SYNPR: variants seen among roughly 807,000 people sequenced by gnomAD.
SYNPR encodes the protein synaptoporin.
In SYNPR, 23 loss-of-function variants were observed where a neutral mutation model predicts 32.9. The ratio of observed to expected loss-of-function variants is 0.70; its 90% CI spans 0.50 to 0.99. SYNPR has a LOEUF of 0.99. Among genes scored for constraint, SYNPR ranks in the 50% least tolerant of loss-of-function variants. The pLI, the probability that SYNPR is intolerant of heterozygous loss-of-function variation, is 0.00. For missense variants in SYNPR, 318 were observed against 349.3 expected (o/e 0.91, Z 0.71); for synonymous variants, 146 against 135.9 (o/e 1.07, Z -0.52).
At chr3:63,581,954 T>C (rs1703100639) in intron 4 of SYNPR, among the ~76,000 whole-genome samples, 1 of 152,130 alleles carries the variant, frequency 6.6e-6, no homozygotes, top group Non-Finnish European at 1.5e-5. Flanking sequence ...TTTCACATTC[T>C]CTCAAAATCA....
chr3:63,526,625 G>C (rs1702018236), intron 3 of SYNPR, among the ~76,000 whole-genome samples: 1 of 152,174 alleles, frequency 6.6e-6, no homozygotes. Flanking sequence ...TTTTAAATGA[G>C]TTAGTATAAG....
At chr3:63,397,832 T>G (rs2088236999) in intron 2 of SYNPR, among the ~76,000 whole-genome samples, 1 of 152,232 alleles carries the variant, frequency 6.6e-6, no homozygotes, top group African/African-American at 2.4e-5. Flanking sequence ...CATAAAAGCA[T>G]TCAAGAGACA....
intron 3 of SYNPR, among the ~76,000 whole-genome samples, chr3:63,546,621 C>A (rs528449897): frequency 2.6e-5 from 4 of 151,516 alleles, no homozygotes; most frequent in African/African-American, 9.7e-5. Flanking sequence ...TCCCTGTGCT[C>A]GATATTTATT....
chr3:63,579,058 G>T (rs908558474), intron 4 of SYNPR, among the ~76,000 whole-genome samples: 2 of 151,962 alleles, frequency 1.3e-5, no homozygotes, highest in African/African-American at 2.4e-5. Flanking sequence ...CCAGACTGTT[G>T]TCACCTCTCG....
At chr3:63,281,597 C>T (rs1160046334) in intron 2 of SYNPR, among the ~76,000 whole-genome samples, 1 of 152,088 alleles carries the variant, frequency 6.6e-6, no homozygotes, top group Non-Finnish European at 1.5e-5. Flanking sequence ...AAGGGAAGAA[C>T]TCTGATCTCG....
rs78136824 is a variant in SYNPR, at chr3:63,381,737, C to T, written c.85-99095C>T. On this transcript the variant is annotated intron_variant, in intron 2 of 5. Transcript: ENST00000478300. ...TCTGTTAAAGCCTGCCATTTTATTT[C>T]GTGTTTTCTGTTCATTCTCTCTGTG... 3.0e-3 allele frequency among the ~76,000 whole-genome samples: 449 copies of T among 152,196 alleles called. 14 individuals are homozygous for T. In the East Asian group the frequency reaches 0.077, roughly 26 times the overall value.
At chr3:63,584,713 G>A (rs148035694) in intron 4 of SYNPR, among the ~76,000 whole-genome samples, 1 of 152,084 alleles carries the variant, frequency 6.6e-6, no homozygotes, top group East Asian at 1.9e-4. Context: ...TAGGAATAGA[G>A]TTATTTTCAA....
intron 2 of SYNPR, among the ~76,000 whole-genome samples, chr3:63,418,992 A>G (rs965698094): frequency 6.6e-6 from 1 of 152,224 alleles, no homozygotes; most frequent in Admixed American, 6.5e-5. Context: ...ACTTCCTCTT[A>G]GAGGGCAACA....
At chr3:63,561,288 T>C (rs963427619) in intron 4 of SYNPR, 3 of 152,222 alleles carry the variant, frequency 2.0e-5, no homozygotes, top group African/African-American at 7.2e-5. Flanking sequence ...TGTGATGAGC[T>C]AATTTAATAC....
At chr3:63,398,920 T>G (rs1318341777) in intron 2 of SYNPR, among the ~76,000 whole-genome samples, 1 of 152,102 alleles carries the variant, frequency 6.6e-6, no homozygotes, top group East Asian at 1.9e-4. Context: ...TTTTAAGGAT[T>G]CTTTTGGTGC....
chr3:63,338,282 C>T (rs558212383), intron 2 of SYNPR, among the ~76,000 whole-genome samples: 24 of 152,276 alleles, frequency 1.6e-4, no homozygotes, highest in African/African-American at 5.5e-4. Flanking sequence ...TTCTGCTTCT[C>T]GTCTAGTCAC....
chr3:63,346,797 C>T (rs576798357), intron 2 of SYNPR, among the ~76,000 whole-genome samples: 43 of 152,258 alleles, frequency 2.8e-4, no homozygotes, highest in Middle Eastern at 3.4e-3. Context: ...TTTTTACCAA[C>T]TCTGTCGGCT....
intron 3 of SYNPR, among the ~76,000 whole-genome samples, chr3:63,514,451 C>T (rs1046040371): frequency 6.6e-6 from 1 of 152,144 alleles, no homozygotes; most frequent in African/African-American, 2.4e-5. Flanking sequence ...GCATAGATCC[C>T]ATCTCTGGCT....
chr3:63,607,850 G>GA (rs1248823706), intron 4 of SYNPR, among the ~76,000 whole-genome samples: 6 of 150,818 alleles, frequency 4.0e-5, no homozygotes, highest in African/African-American at 1.2e-4. Flanking sequence ...TGTAGATCAT[G>GA]GGATCGTGAT....
At chr3:63,519,542 G>GC (rs1166738321) in intron 3 of SYNPR, among the ~76,000 whole-genome samples, 1 of 152,124 alleles carries the variant, frequency 6.6e-6, no homozygotes, top group African/African-American at 2.4e-5. Context: ...CAACTTTCAA[G>GC]CCCTCCTTGA....
At chr3:63,515,879 ATTATTTTT>A (rs1314626957) in intron 3 of SYNPR, among the ~76,000 whole-genome samples, 21 of 152,072 alleles carry the variant, frequency 1.4e-4, no homozygotes, top group Non-Finnish European at 2.6e-4. Flanking sequence ...ATAACATTAA[ATTATTTTT>A]TTTACATTAT....
intron 2 of SYNPR, among the ~76,000 whole-genome samples, chr3:63,477,689 A>C (rs1442994232): frequency 6.6e-6 from 1 of 152,084 alleles, no homozygotes. Flanking sequence ...GCTTAACTCT[A>C]TTTCTGGGCA....
chr3:63,400,744 A>T (rs1012239206), intron 2 of SYNPR, among the ~76,000 whole-genome samples: 1 of 152,242 alleles, frequency 6.6e-6, no homozygotes, highest in Non-Finnish European at 1.5e-5. Flanking sequence ...ATTTGTGGAC[A>T]TATGTCAAAC....
chr3:63,488,948 A>G (rs1250909949), intron 3 of SYNPR, among the ~76,000 whole-genome samples: 3 of 152,206 alleles, frequency 2.0e-5, no homozygotes, highest in African/African-American at 7.2e-5. Flanking sequence ...CTCAATCTGT[A>G]TAATTGCAAG....
Sources: gnomAD v4.1 joint callset for allele counts (sites outside exome capture counted in the v4.1 genomes callset) on GRCh38, gnomAD v4.1.1 for gene constraint, MANE v1.5 for transcripts, NCBI Gene and HGNC (gene_info 2026-07-23, HGNC 2026-07-21) for gene names.